ITGA2B: variants seen among roughly 807,000 people sequenced by gnomAD.
ITGA2B encodes the protein integrin alpha-IIb.
Under a neutral mutation model 142.0 loss-of-function variants are expected in ITGA2B, and 91 were observed. The observed-to-expected ratio is 0.64, with a 90% CI of 0.54 to 0.76. The LOEUF is 0.76. Ranked by LOEUF, ITGA2B falls within the 30% of genes least tolerant of loss-of-function variation. The pLI, the probability that ITGA2B is intolerant of heterozygous loss-of-function variation, is 0.00. For missense variants in ITGA2B, 1,231 were observed against 1,350.8 expected (o/e 0.91, Z 1.39); for synonymous variants, 536 against 567.2 (o/e 0.94, Z 0.78).
At chr17:44,384,886 C>T (rs1272294692) in intron 7 of ITGA2B, 62 bp downstream of exon 7, 4 of 1,611,286 alleles carry the variant, frequency 2.5e-6, no homozygotes, top group Non-Finnish European at 3.4e-6. Context: ...AGGGGCAGGA[C>T]CTGACCGTCT....
rs113598722 is a variant in ITGA2B, at chr17:44,382,300, GT to G, written c.1210+1192del. 1.5e-3 allele frequency among the ~76,000 whole-genome samples: 219 copies of G among 145,650 alleles called. 3 individuals are homozygous for G. Among genetic ancestry groups the G allele is most frequent in the Middle Eastern group, 7.2e-3 (2 of 276 alleles). ...TCTTTTTCCTCTTATAGTCAAACATGTTTTTTTTTTTCCTTTCTATTCCTCA... is the reference window on the plus strand; with the variant it reads ...TCTTTTTCCTCTTATAGTCAAACATGTTTTTTTTTTCCTTTCTATTCCTCA... On this transcript the variant is annotated intron_variant, in intron 12 of 29. Coordinates refer to ENST00000262407, the MANE Select transcript of ITGA2B (RefSeq NM_000419.5).
At chr17:44,377,824 G>C in intron 20 of ITGA2B, 34 bp from the exon 21 acceptor site, 1 of 1,285,432 alleles carries the variant, frequency 7.8e-7, no homozygotes, top group Non-Finnish European at 1.1e-6. Flanking sequence ...AGAAATTACA[G>C]AGCATCATAT....
At chr17:44,380,520 G>C (rs777838949) in intron 14 of ITGA2B, 30 bp from the exon 15 acceptor site, 5 of 1,613,520 alleles carry the variant, frequency 3.1e-6, no homozygotes, top group Non-Finnish European at 4.2e-6. Flanking sequence ...GGGTAGGCTT[G>C]CCATTGTGGC....
At chr17:44,375,547 TG>T in intron 26 of ITGA2B, 43 bp downstream of exon 26, 1 of 1,606,796 alleles carries the variant, frequency 6.2e-7, no homozygotes, top group Non-Finnish European at 8.5e-7. Flanking sequence ...CTCTGCCCCG[TG>T]GGTCCCGGGG....
rs2048585501 is a variant in ITGA2B at position 44,380,467 on chromosome 17, G to A, written c.1463C>T (p.Ser488Phe). 1 of 1,614,020 alleles carries A rather than the reference G, an allele frequency of 6.2e-7. No individual in the cohort carries two copies. The highest frequency in any genetic ancestry group is 1.3e-5 in the African/African-American group (1 of 74,922). ...TGAATCTTGCACCAGTAGCTGGACA[G>A]AGGCCTTCACCACTGGCTGAGCTCT... ...VYRAQPVVKASVQLLVQDSLN... is the reference protein window; with the variant it reads ...VYRAQPVVKAFVQLLVQDSLN... Residue 488 changes from serine to phenylalanine, a missense_variant, in exon 15 of 30, where the codon TCT becomes TTT. Ser to Phe is a radical substitution (Grantham distance 155, BLOSUM62 -2). Around this residue, in one of 3 missense-constraint regions of ITGA2B, gnomAD observed 908 missense variants for 1,021.1 expected, o/e 0.89. Transcript: ENST00000262407.
chr17:44,381,532 A>G (rs879387488), intron 12 of ITGA2B, among the ~76,000 whole-genome samples: 2 of 151,872 alleles, frequency 1.3e-5, no homozygotes, highest in Non-Finnish European at 2.9e-5. Flanking sequence ...GTTTCACCAC[A>G]TTGGCCAGGC....
At position 44,385,657 on chromosome 17, in the gene ITGA2B, C is replaced by G. The variant is rs376346319; in HGVS notation, c.468G>C (p.Thr156=). Residue 156 remains threonine (T), a synonymous_variant, in exon 4 of 30, where the codon ACG becomes ACC. Transcript: ENST00000262407. ...GAGCCAAAAAGCAGCTACCTACGGG[C>G]GTCTTCTCAGCCTCCTCAGTCTTTT... is the stretch of plus-strand genomic sequence containing the variant. The part of the protein sequence containing the change: ...VLEKTEEAEK[T]PVGSCFLAQP... The G allele has an allele frequency of 7.4e-6, 12 of 1,613,584 alleles. No individual in the cohort carries two copies. The highest frequency in any genetic ancestry group is 1.0e-5 in the Non-Finnish European group (12 of 1,180,034).
chr17:44,385,031 C>G lies in ITGA2B; in HGVS notation c.716G>C (p.Arg239Pro). 6.2e-7 allele frequency: 1 copy of G among 1,613,852 alleles called. No homozygotes were observed. Among genetic ancestry groups the G allele is most frequent in the Non-Finnish European group, 8.5e-7 (1 of 1,179,976 alleles). The stretch of plus-strand genomic sequence containing the variant: ...CACGTGCCACAAAAGGATGCCTGGG[C>G]GGTAACTCGAGAAAATATCCGCAAC... ...APVADIFSSY[R>P]PGILLWHVSS... is the part of the protein sequence containing the mutation. Residue 239 changes from arginine (R) to proline (P), a missense_variant, in exon 7 of 30, where the codon CGC (arginine) becomes CCC (proline). Physicochemically the swap from Arg to Pro is moderately radical, Grantham distance 103. This residue lies in a region of ITGA2B where 318 missense variants were observed against 312.2 expected (regional missense o/e 1.02). Coordinates refer to ENST00000262407, the MANE Select transcript of ITGA2B (RefSeq NM_000419.5).
chr17:44,387,910 C>G (rs913647494), intron 1 of ITGA2B, among the ~76,000 whole-genome samples: 5 of 147,676 alleles, frequency 3.4e-5, no homozygotes, highest in African/African-American at 1.3e-4. Context: ...GGACCCTTAT[C>G]AAATGCCTCC....
intron 20 of ITGA2B, among the ~76,000 whole-genome samples, 156 bp from the exon 21 acceptor site, chr17:44,377,946 T>C (rs144780658): frequency 1.8e-3 from 269 of 152,220 alleles, no homozygotes; most frequent in African/African-American, 6.1e-3. Context: ...AGTGTGTGTA[T>C]TGCTGTAGCA....
chr17:44,389,281 C>A lies in ITGA2B; in HGVS notation c.188+5G>T, dbSNP rs1598385156. ...CCCAATACCCCAACTTCCCTTACGGCTCACCTCCCATGGCTGTCCTTGTGG... is the reference window on the plus strand; with the variant it reads ...CCCAATACCCCAACTTCCCTTACGGATCACCTCCCATGGCTGTCCTTGTGG... On this transcript the variant is annotated splice_donor_5th_base_variant and intron_variant, in intron 1 of 29. Transcript: ENST00000262407. The A allele has an allele frequency of 1.2e-6, 2 of 1,614,134 alleles. No homozygotes were observed. The highest frequency in any genetic ancestry group is 2.7e-5 in the African/African-American group (2 of 75,050).
chr17:44,374,686 CGGGGGCACCGCATA>C lies in ITGA2B; in HGVS notation c.2902_2915del (p.Tyr968AlafsTer63). 1 of 1,613,898 alleles carries C rather than the reference CGGGGGCACCGCATA, an allele frequency of 6.2e-7. No individual in the cohort carries two copies. The highest frequency in any genetic ancestry group is 8.5e-7 in the Non-Finnish European group (1 of 1,179,874). On this transcript the variant is annotated frameshift_variant, in exon 28 of 30. Coordinates refer to ENST00000262407, the MANE Select transcript of ITGA2B (RefSeq NM_000419.5). LOFTEE classifies it high-confidence loss of function. The stretch of plus-strand genomic sequence containing the variant: ...GAGCTTCCCCTCGGGGCAGGCTGAG[CGGGGGCACCGCATA>C]GGGGAGGGAGGACACGTTGAACCAT...
At position 44,379,399 on chromosome 17, in the gene ITGA2B, C is replaced by G. The variant is rs1555613872; in HGVS notation, c.1878+290G>C. Among the ~76,000 whole-genome samples the G allele has an allele frequency of 2.0e-5, 3 of 152,030 alleles. 1 individual carries two copies. The highest frequency in any genetic ancestry group is 6.5e-5 in the Admixed American group (1 of 15,272). On this transcript the variant is annotated intron_variant, in intron 18 of 29. Transcript: ENST00000262407. ...CCGAGTAGCTGGAATTACAGGCATG[C>G]GTCACCACACCCGGCTAATTTTTTT... is the stretch of plus-strand genomic sequence containing the variant.
At chr17:44,378,741 G>T in intron 18 of ITGA2B, 31 bp from the exon 19 acceptor site, 1 of 1,548,908 alleles carries the variant, frequency 6.5e-7, no homozygotes, top group Middle Eastern at 1.7e-4. Context: ...GTGCGGGTAA[G>T]TTGGGGATGT....
At chr17:44,372,493 G>A (rs1023423689) in intron 29 of ITGA2B, 70 bp from the exon 30 acceptor site, 13 of 1,433,578 alleles carry the variant, frequency 9.1e-6, no homozygotes, top group Non-Finnish European at 1.3e-5. Context: ...ATGTGAGGAA[G>A]TATGCTAGCT....
At position 44,383,475 on chromosome 17, in the gene ITGA2B, G is replaced by T; in HGVS notation, c.1210+18C>A. 6.3e-7 allele frequency: 1 copy of T among 1,593,882 alleles called. No individual in the cohort carries two copies. The highest frequency in any genetic ancestry group is 8.5e-7 in the Non-Finnish European group (1 of 1,173,816). ...TGTTAACCCCTCTGCAGCAAGTAGG[G>T]CTCCTCTCTTCCCTCACCATTGTAG... On this transcript the variant is annotated intron_variant, in intron 12 of 29. Coordinates refer to ENST00000262407, the MANE Select transcript of ITGA2B (RefSeq NM_000419.5).
At chr17:44,377,127 C>G in intron 21 of ITGA2B, 39 bp from the exon 22 acceptor site, 1 of 1,477,556 alleles carries the variant, frequency 6.8e-7, no homozygotes, top group Non-Finnish European at 9.3e-7. Flanking sequence ...GCCCAAGTGC[C>G]CCACTTAGGA....
chr17:44,389,607 G>T lies in ITGA2B; in HGVS notation c.-134C>A. 2 of 1,003,098 alleles carry T rather than the reference G, an allele frequency of 2.0e-6. No individual in the cohort carries two copies. Among genetic ancestry groups the T allele is most frequent in the Non-Finnish European group, 3.0e-6 (2 of 671,168 alleles). 62.1% of individuals were successfully genotyped at this position (1,003,098 alleles called of 1,614,324 possible). ...TGCTGAGCAACGGGCAGAGCAAAGG[G>T]CTATAGCCCCTGGACTCATGGTGGC... On this transcript the variant is annotated 5_prime_UTR_variant, in exon 1 of 30. Transcript: ENST00000262407.
intron 1 of ITGA2B, among the ~76,000 whole-genome samples, chr17:44,387,538 A>G (rs561617628): frequency 8.0e-5 from 12 of 149,912 alleles, no homozygotes; most frequent in African/African-American, 2.7e-4. Flanking sequence ...AAAAAGAAGA[A>G]AAAAAGTCTG....
Sources: gnomAD v4.1 joint callset for allele counts (sites outside exome capture counted in the v4.1 genomes callset) on GRCh38, gnomAD v4.1.1 for gene constraint, gnomAD v4.1.1 regional missense constraint, MANE v1.5 for transcripts, NCBI Gene and HGNC (gene_info 2026-07-23, HGNC 2026-07-21) for gene names.